CCDC7: variants seen among roughly 807,000 people sequenced by gnomAD.
The protein encoded by CCDC7 is coiled-coil domain-containing protein 7.
A neutral mutation model predicts 196.9 loss-of-function variants in CCDC7; 183 were observed. The observed-to-expected ratio is 0.93, with a 90% CI of 0.82 to 1.05. The LOEUF (loss-of-function observed/expected upper bound fraction) is 1.05, where lower values mean the gene tolerates loss of function less well. Ranked by LOEUF, CCDC7 falls within the 50% of genes least tolerant of loss-of-function variation. CCDC7 has a pLI of 0.00. For missense variants in CCDC7, 1,540 were observed against 1,482.2 expected, an observed-to-expected ratio of 1.04 and a Z score of -0.64; for synonymous variants, 525 against 484.6, an observed-to-expected ratio of 1.08 and a Z score of -1.10.
intron 18 of CCDC7, among the ~76,000 whole-genome samples, chr10:32,609,663 A>G (rs2061891029): frequency 6.6e-6 from 1 of 152,150 alleles, no homozygotes; most frequent in Admixed American, 6.5e-5. Flanking sequence ...CCAGTGTTGG[A>G]GGTGGGGCAT....
intron 20 of CCDC7, among the ~76,000 whole-genome samples, chr10:32,638,915 A>G (rs1053545237): frequency 6.6e-6 from 1 of 152,052 alleles, no homozygotes; most frequent in African/African-American, 2.4e-5. Flanking sequence ...AGAGCCTGTT[A>G]TTGGTCTATT....
intron 33 of CCDC7, among the ~76,000 whole-genome samples, chr10:32,843,067 G>T (rs1224893016): frequency 6.6e-6 from 1 of 151,378 alleles, no homozygotes; most frequent in Non-Finnish European, 1.5e-5. Flanking sequence ...AACACCACCT[G>T]TTCCCCAAAA....
At chr10:32,678,687 A>G (rs2075397366) in intron 21 of CCDC7, among the ~76,000 whole-genome samples, 1 of 152,188 alleles carries the variant, frequency 6.6e-6, no homozygotes, top group Admixed American at 6.5e-5. Context: ...AGGCTGGGAA[A>G]AGTCCAATGC....
chr10:32,649,343 G>GC (rs2068322063), intron 20 of CCDC7, among the ~76,000 whole-genome samples: 1 of 152,064 alleles, frequency 6.6e-6, no homozygotes, highest in Non-Finnish European at 1.5e-5. Flanking sequence ...AAGAAAATTG[G>GC]CCCCCAATCT....
intron 20 of CCDC7, among the ~76,000 whole-genome samples, chr10:32,654,349 GT>G (rs1399865634): frequency 2.6e-5 from 4 of 151,934 alleles, no homozygotes; most frequent in Non-Finnish European, 5.9e-5. Flanking sequence ...ATCTATTTTT[GT>G]TTTGTGTATT....
At chr10:32,751,830 G>T (rs2075706877) in intron 28 of CCDC7, among the ~76,000 whole-genome samples, 1 of 152,118 alleles carries the variant, frequency 6.6e-6, no homozygotes, top group Admixed American at 6.5e-5. Context: ...TAGAGATGAT[G>T]TATAGGATAC....
At chr10:32,801,858 A>T (rs2084860261) in intron 29 of CCDC7, among the ~76,000 whole-genome samples, 1 of 152,162 alleles carries the variant, frequency 6.6e-6, no homozygotes, top group Admixed American at 6.5e-5. Flanking sequence ...CACCACTTGG[A>T]GTGGGGAGGC....
intron 33 of CCDC7, among the ~76,000 whole-genome samples, chr10:32,843,196 T>C (rs1277316300): frequency 6.6e-6 from 1 of 151,932 alleles, no homozygotes; most frequent in East Asian, 1.9e-4. Flanking sequence ...AAGGTTAGTA[T>C]AGTAAACACT....
intron 29 of CCDC7, among the ~76,000 whole-genome samples, chr10:32,800,997 G>A (rs2084675624): frequency 1.3e-5 from 2 of 152,182 alleles, no homozygotes; most frequent in Admixed American, 6.5e-5. Flanking sequence ...GCTGTCCATT[G>A]CAGTAACTAT....
At chr10:32,793,246 C>T (rs1046441882) in intron 29 of CCDC7, among the ~76,000 whole-genome samples, 1 of 152,122 alleles carries the variant, frequency 6.6e-6, no homozygotes. Flanking sequence ...ATAATCAAGG[C>T]TGAACAACTA....
chr10:32,755,762 G>T (rs533410408), intron 28 of CCDC7, among the ~76,000 whole-genome samples: 1 of 152,096 alleles, frequency 6.6e-6, no homozygotes, highest in Non-Finnish European at 1.5e-5. Flanking sequence ...TGACTTTGAC[G>T]AGTTGAGAGA....
chr10:32,758,909 C>T (rs2076944247), intron 28 of CCDC7, among the ~76,000 whole-genome samples: 1 of 152,200 alleles, frequency 6.6e-6, no homozygotes, highest in South Asian at 2.1e-4. Flanking sequence ...TCTCAGGATA[C>T]AAAATCAGTG....
chr10:32,670,491 C>A (rs1465516148), intron 21 of CCDC7, among the ~76,000 whole-genome samples: 1 of 151,562 alleles, frequency 6.6e-6, no homozygotes, highest in African/African-American at 2.4e-5. Flanking sequence ...GCTGCACCCA[C>A]TAACTCGTCA....
intron 41 of CCDC7, among the ~76,000 whole-genome samples, chr10:32,874,121 G>A (rs2094521844): frequency 6.7e-6 from 1 of 149,588 alleles, no homozygotes; most frequent in African/African-American, 2.4e-5. Flanking sequence ...TGCATCCTAT[G>A]CTGAAAGTCA....
chr10:32,678,341 T>C (rs1374160403), intron 21 of CCDC7, among the ~76,000 whole-genome samples: 1 of 152,180 alleles, frequency 6.6e-6, no homozygotes, highest in Non-Finnish European at 1.5e-5. Context: ...TTTTCATTGA[T>C]GTACGTGCAT....
At chr10:32,643,362 C>G (rs2067186009) in intron 20 of CCDC7, among the ~76,000 whole-genome samples, 1 of 152,034 alleles carries the variant, frequency 6.6e-6, no homozygotes, top group African/African-American at 2.4e-5. Flanking sequence ...CTCTTTTCAT[C>G]TACTTGTTTT....
At chr10:32,609,901 G>A (rs1238903044) in intron 18 of CCDC7, among the ~76,000 whole-genome samples, 2 of 152,112 alleles carry the variant, frequency 1.3e-5, no homozygotes, top group African/African-American at 4.8e-5. Context: ...TGGTAAATGA[G>A]GTGGCTACTA....
At chr10:32,538,978 T>A (rs1445884198) in intron 11 of CCDC7, among the ~76,000 whole-genome samples, 1 of 152,182 alleles carries the variant, frequency 6.6e-6, no homozygotes, top group East Asian at 1.9e-4. Context: ...AGTTTTGGTA[T>A]CAGGATGATG....
chr10:32,573,847 A>G (rs1229140374), intron 16 of CCDC7, among the ~76,000 whole-genome samples: 1 of 152,188 alleles, frequency 6.6e-6, no homozygotes, highest in East Asian at 1.9e-4. Flanking sequence ...TGTGCAAGGC[A>G]CTGTGCTGGG....
Sources: allele counts gnomAD v4.1 joint callset (sites outside exome capture counted in the v4.1 genomes callset), GRCh38; gene constraint gnomAD v4.1.1; transcripts MANE v1.5; gene names NCBI Gene and HGNC (gene_info 2026-07-23, HGNC 2026-07-21).